The following KCNJ6 variants were observed in gnomAD, a reference collection of about 807,000 sequenced individuals.
The protein encoded by KCNJ6 is potassium inwardly rectifying channel subfamily J member 6.
In KCNJ6, 9 loss-of-function variants were observed where a neutral mutation model predicts 34.2. The ratio of observed to expected loss-of-function variants is 0.26; its 90% confidence interval spans 0.16 to 0.46. KCNJ6 has a LOEUF of 0.46. Ranked by LOEUF, KCNJ6 falls within the 20% of genes least tolerant of loss-of-function variation. The pLI is 1.00. For synonymous variants in KCNJ6, 196 were observed against 207.1 expected, an observed-to-expected ratio of 0.95 and a Z score of 0.46; for missense variants, 236 against 531.3, an observed-to-expected ratio of 0.44 and a Z score of 5.46.
At chr21:37,788,610 CAG>C (rs970748863) in intron 2 of KCNJ6, among the ~76,000 whole-genome samples, 15 of 152,154 alleles carry the variant, frequency 9.9e-5, no homozygotes, top group African/African-American at 2.7e-4. Flanking sequence ...CTTTGGCCAG[CAG>C]AGTGTGGCAG....
intron 3 of KCNJ6, among the ~76,000 whole-genome samples, chr21:37,693,938 A>T (rs900811472): frequency 4.6e-5 from 7 of 151,982 alleles, no homozygotes; most frequent in African/African-American, 1.4e-4. Flanking sequence ...TTTTTTTTAA[A>T]AAAAACAAAC....
chr21:37,873,590 C>T (rs2055663041), intron 1 of KCNJ6, among the ~76,000 whole-genome samples: 1 of 152,132 alleles, frequency 6.6e-6, no homozygotes, highest in African/African-American at 2.4e-5. Context: ...TTTCATTGAC[C>T]CTAATCTATA....
chr21:37,897,364 C>A (rs1474864197), intron 1 of KCNJ6, among the ~76,000 whole-genome samples: 1 of 152,214 alleles, frequency 6.6e-6, no homozygotes, highest in Non-Finnish European at 1.5e-5. Context: ...ACAGCCAAAT[C>A]CATCCAGGTA....
At chr21:37,885,256 C>A (rs2055729645) in intron 1 of KCNJ6, among the ~76,000 whole-genome samples, 1 of 152,206 alleles carries the variant, frequency 6.6e-6, no homozygotes, top group Middle Eastern at 3.4e-3. Context: ...TGGTGGGGAG[C>A]AGAGGAAAGG....
At chr21:37,711,016 C>T (rs1032824569) in intron 3 of KCNJ6, among the ~76,000 whole-genome samples, 1 of 152,176 alleles carries the variant, frequency 6.6e-6, no homozygotes, top group Admixed American at 6.5e-5. Flanking sequence ...CGGGACCAGG[C>T]CAAAGCCATT....
chr21:37,709,306 G>A (rs1018194775), intron 3 of KCNJ6, among the ~76,000 whole-genome samples: 2 of 152,174 alleles, frequency 1.3e-5, no homozygotes, highest in African/African-American at 4.8e-5. Context: ...GAGGTGGGGA[G>A]TTCCAGACCA....
intron 2 of KCNJ6, among the ~76,000 whole-genome samples, chr21:37,767,202 G>A (rs1481310150): frequency 6.6e-6 from 1 of 152,124 alleles, no homozygotes; most frequent in Non-Finnish European, 1.5e-5. Context: ...AAGGATTGGC[G>A]AGCACACATC....
intron 2 of KCNJ6, among the ~76,000 whole-genome samples, chr21:37,734,368 T>TC (rs1220031324): frequency 6.6e-6 from 1 of 152,126 alleles, no homozygotes; most frequent in Non-Finnish European, 1.5e-5. Flanking sequence ...CCCTAAAATG[T>TC]TGTACAGAGG....
intron 3 of KCNJ6, among the ~76,000 whole-genome samples, chr21:37,710,744 A>G (rs971852396): frequency 2.6e-5 from 4 of 152,192 alleles, no homozygotes; most frequent in African/African-American, 9.7e-5. Context: ...CTATTTTAAC[A>G]CACATGGGCC....
At chr21:37,626,199 C>T (rs775067174) in intron 3 of KCNJ6, among the ~76,000 whole-genome samples, 3 of 150,288 alleles carry the variant, frequency 2.0e-5, no homozygotes, top group East Asian at 2.0e-4. Flanking sequence ...GGTGCGATCT[C>T]GGCTCACTGC....
intron 2 of KCNJ6, among the ~76,000 whole-genome samples, chr21:37,775,958 C>T (rs1452111882): frequency 3.3e-5 from 5 of 152,168 alleles, no homozygotes; most frequent in African/African-American, 7.2e-5. Flanking sequence ...GCCATTTTCA[C>T]GATATTGATT....
intron 3 of KCNJ6, among the ~76,000 whole-genome samples, chr21:37,658,418 T>G (rs1366346136): frequency 2.0e-5 from 3 of 152,238 alleles, no homozygotes; most frequent in Non-Finnish European, 2.9e-5. Context: ...ATATCTGCAG[T>G]GCAGAACATC....
chr21:37,778,690 TGTGTGC>T (rs1004401774), intron 2 of KCNJ6, among the ~76,000 whole-genome samples: 118 of 128,024 alleles, frequency 9.2e-4, no homozygotes, highest in Non-Finnish European at 1.1e-3. Context: ...ATCCGTGTGC[TGTGTGC>T]GTGTGTGTGT....
At chr21:37,687,177 C>T (rs1400882277) in intron 3 of KCNJ6, among the ~76,000 whole-genome samples, 3 of 152,006 alleles carry the variant, frequency 2.0e-5, no homozygotes, top group South Asian at 4.1e-4. Flanking sequence ...TAACCTGGGC[C>T]TCTTGGGCCT....
intron 2 of KCNJ6, among the ~76,000 whole-genome samples, chr21:37,807,397 G>T (rs543261534): frequency 2.6e-5 from 4 of 152,164 alleles, no homozygotes; most frequent in Non-Finnish European, 5.9e-5. Flanking sequence ...TAAAAGTCAC[G>T]TATTTCCTGA....
In KCNJ6 at chr21:37,715,172, G is replaced by C. The variant is rs11701696; in HGVS notation, c.26-41C>G. 39,044 of 1,537,496 alleles carry C rather than the reference G, an allele frequency of 0.025. 697 individuals carry two copies. The highest frequency in any genetic ancestry group is 0.029 in the Non-Finnish European group (32,701 of 1,131,636). On this transcript the variant is annotated intron_variant, in intron 2 of 3. Coordinates refer to ENST00000609713, the MANE Select transcript of KCNJ6 (RefSeq NM_002240.5). ...AAAGAAAAGAAACACTGAATGAAAG[G>C]CTGGCTCTTTGAGGACAATGGAACG... is the stretch of plus-strand genomic sequence containing the variant.
intron 3 of KCNJ6, among the ~76,000 whole-genome samples, chr21:37,670,355 C>G (rs80232404): frequency 6.6e-6 from 1 of 152,108 alleles, no homozygotes; most frequent in African/African-American, 2.4e-5. Context: ...GGGACCCTTG[C>G]ATTTCCATAT....
intron 2 of KCNJ6, among the ~76,000 whole-genome samples, chr21:37,741,399 A>C (rs577151717): frequency 6.6e-6 from 1 of 152,154 alleles, no homozygotes; most frequent in African/African-American, 2.4e-5. Flanking sequence ...GTAGGAGGAG[A>C]ATGGAACCTT....
At chr21:37,900,639 T>C (rs2055812379) in intron 1 of KCNJ6, among the ~76,000 whole-genome samples, 2 of 152,060 alleles carry the variant, frequency 1.3e-5, no homozygotes, top group African/African-American at 4.8e-5. Flanking sequence ...ATGAAGGCGC[T>C]TGCTGAGAAG....
Sources: allele counts gnomAD v4.1 joint callset (sites outside exome capture counted in the v4.1 genomes callset), GRCh38; gene constraint gnomAD v4.1.1; transcripts MANE v1.5; gene names NCBI Gene and HGNC (gene_info 2026-07-23, HGNC 2026-07-21).